Variants in VPS4A observed in about 807,000 individuals in gnomAD.
The protein encoded by VPS4A is vacuolar protein sorting-associated protein 4A.
VPS4A carries 20 observed loss-of-function variants against 52.3 expected under a neutral mutation model. The ratio of observed to expected loss-of-function variants is 0.38; its 90% confidence interval spans 0.27 to 0.56. The LOEUF (loss-of-function observed/expected upper bound fraction) is 0.56. Among genes scored for constraint, VPS4A ranks in the 20% least tolerant of loss-of-function variants. The probability of loss-of-function intolerance (pLI) is 0.72; values close to 1 mark genes in which losing one functional copy is unlikely to be tolerated. For missense variants in VPS4A, 419 were observed against 575.9 expected (o/e 0.73, Z 2.79); for synonymous variants, 293 against 227.7 (o/e 1.29, Z -2.58).
At chr16:69,314,781 C>T (rs977618607) in intron 1 of VPS4A, among the ~76,000 whole-genome samples, 1 of 151,980 alleles carries the variant, frequency 6.6e-6, no homozygotes, top group Non-Finnish European at 1.5e-5. Flanking sequence ...TGCCAAGAGC[C>T]GGTCAGGAGG....
intron 1 of VPS4A, among the ~76,000 whole-genome samples, chr16:69,312,833 G>A (rs779831787): frequency 1.3e-5 from 2 of 151,842 alleles, no homozygotes; most frequent in Admixed American, 6.6e-5. Flanking sequence ...GGCTGGTCTC[G>A]AACTCCCGAC....
intron 1 of VPS4A, among the ~76,000 whole-genome samples, chr16:69,312,861 C>T (rs1008789309): frequency 6.6e-6 from 1 of 152,130 alleles, no homozygotes; most frequent in Non-Finnish European, 1.5e-5. Flanking sequence ...GATCTGCCCA[C>T]TTCGGCCTCC....
chr16:69,322,834 C>G, intron 10 of VPS4A, 134 bp downstream of exon 10: 1 of 1,130,606 alleles, frequency 8.8e-7, no homozygotes, highest in Non-Finnish European at 1.2e-6. Flanking sequence ...CTTTGGGAGG[C>G]CAGGGTGGGC....
intron 10 of VPS4A, chr16:69,323,654 C>A (rs1567425409): frequency 2.2e-6 from 1 of 455,866 alleles, no homozygotes; most frequent in Non-Finnish European, 4.4e-6. Flanking sequence ...GGGTGTGCAG[C>A]TAAGAAGGCT....
intron 6 of VPS4A, among the ~76,000 whole-genome samples, chr16:69,319,856 G>A (rs932680699): frequency 2.0e-5 from 3 of 152,196 alleles, no homozygotes; most frequent in Non-Finnish European, 2.9e-5. Context: ...CCTGTTTTGC[G>A]TGTGATGAGA....
chr16:69,312,856 GCC>G (rs1378936602), intron 1 of VPS4A, among the ~76,000 whole-genome samples: 1 of 151,858 alleles, frequency 6.6e-6, no homozygotes, highest in Non-Finnish European at 1.5e-5. Flanking sequence ...CAGATGATCT[GCC>G]CACTTCGGCC....
At chr16:69,323,540 A>G (rs1421649513) in intron 10 of VPS4A, 1 of 424,846 alleles carries the variant, frequency 2.4e-6, no homozygotes, top group Non-Finnish European at 4.8e-6. Flanking sequence ...GCAGTGAGGC[A>G]GTGAATGTGT....
At chr16:69,322,455 A>T in intron 9 of VPS4A, 105 bp from the exon 10 acceptor site, 1 of 1,279,780 alleles carries the variant, frequency 7.8e-7, no homozygotes, top group Non-Finnish European at 1.0e-6. Context: ...CTCAGATGCT[A>T]GGGACCCACA....
chr16:69,312,960 A>G lies in VPS4A; in HGVS notation c.21+1428A>G, dbSNP rs113669798. On this transcript the variant is annotated intron_variant, in intron 1 of 10. Transcript: ENST00000254950. ...AACTTGCGTGCTTACCATATAACTC[A>G]CCCGTTATATATTTTTGTTTTTATT... Among the ~76,000 whole-genome samples, 54 of 149,524 alleles carry G rather than the reference A, an allele frequency of 3.6e-4. 1 individual carries two copies. The highest frequency in any genetic ancestry group is 1.1e-3 in the African/African-American group (44 of 40,578).
At chr16:69,322,362 T>C (rs916354912) in intron 9 of VPS4A, 198 bp from the exon 10 acceptor site, 78 of 502,784 alleles carry the variant, frequency 1.6e-4, no homozygotes, top group African/African-American at 1.3e-3. Context: ...CATCAAGGCA[T>C]TGGGGCTACA....
At chr16:69,319,618 T>C in intron 6 of VPS4A, 75 bp downstream of exon 6, 2 of 1,536,996 alleles carry the variant, frequency 1.3e-6, no homozygotes, top group Non-Finnish European at 1.8e-6. Context: ...CCCTGTGGAG[T>C]CACCTCTCAG....
At position 69,318,920 on chromosome 16, in the gene VPS4A, C is replaced by T. The variant is rs1215404979; in HGVS notation, c.441C>T (p.Ile147=). ...EALKEAVILP[I]KFPHLFTGKR... ...TCAAAGAAGCTGTCATTTTGCCAAT[C>T]AAATTCCCACACTTGTTCACAGGTG... Residue 147 remains isoleucine, a synonymous_variant, in exon 5 of 11, where the codon ATC becomes ATT. Transcript: ENST00000254950. 6.2e-7 allele frequency: 1 copy of T among 1,613,556 alleles called. No homozygotes were observed. The highest frequency in any genetic ancestry group is 8.5e-7 in the Non-Finnish European group (1 of 1,179,790).
chr16:69,320,282 G>C lies in VPS4A; in HGVS notation c.762G>C (p.Gln254His), dbSNP rs1191807696. The C allele has an allele frequency of 6.2e-7, 1 of 1,613,444 alleles. No individual in the cohort carries two copies. Among genetic ancestry groups the C allele is most frequent in the African/African-American group, 1.3e-5 (1 of 74,940 alleles). The change falls in exon 7 of 11, where the codon CAG becomes CAC. Residue 254 changes from glutamine to histidine, a missense_variant. Gln to His is a conservative substitution (Grantham distance 24, BLOSUM62 0). This residue lies in a region of VPS4A where 103 missense variants were observed against 210.3 expected (regional missense o/e 0.49). Coordinates refer to ENST00000254950, the MANE Select transcript of VPS4A (RefSeq NM_013245.3). The surrounding 1 kb of genome is among the most constrained non-coding windows in gnomAD (Gnocchi z 4.2). ...ARRIKTEFLV[Q>H]MQGVGNNNDG... ...GGATCAAAACGGAGTTCTTGGTCCA[G>C]ATGCAGGGTGTGTGCCGGGCCCAGG...
chr16:69,318,785 TGGCCG>T (rs1413016667), intron 4 of VPS4A, 33 bp from the exon 5 acceptor site: 4 of 1,611,026 alleles, frequency 2.5e-6, no homozygotes, highest in East Asian at 2.2e-5. Flanking sequence ...TCATGCCCCT[TGGCCG>T]GGCCCGGGCC....
chr16:69,316,186 A>C, intron 2 of VPS4A, 39 bp from the exon 3 acceptor site: 1 of 1,612,572 alleles, frequency 6.2e-7, no homozygotes, highest in Non-Finnish European at 8.5e-7. Flanking sequence ...GGGGTGGCGC[A>C]CGAGCCTCAC....
chr16:69,313,025 C>T (rs1597210354), intron 1 of VPS4A, among the ~76,000 whole-genome samples: 1 of 151,978 alleles, frequency 6.6e-6, no homozygotes, highest in Admixed American at 6.6e-5. Flanking sequence ...GTCACCCAGG[C>T]TGGAGTGCAG....
chr16:69,320,879 T>C lies in VPS4A; in HGVS notation c.851+110T>C. On this transcript the variant is annotated intron_variant, in intron 8 of 10. Transcript: ENST00000254950. The surrounding 1 kb of genome is among the most constrained non-coding windows in gnomAD (Gnocchi z 4.2). ...GCCTGGCCCCTTTTCCCTGGAGTCTTCCCGTCTGCCTGCCAAGCAGAGCCC... is the reference window on the plus strand; with the variant it reads ...GCCTGGCCCCTTTTCCCTGGAGTCTCCCCGTCTGCCTGCCAAGCAGAGCCC... The C allele has an allele frequency of 7.8e-7, 1 of 1,284,208 alleles. No homozygotes were observed. Among genetic ancestry groups the C allele is most frequent in the Non-Finnish European group, 1.1e-6 (1 of 918,226 alleles). The allele number at this position is 1,284,208 out of a possible 1,614,324, so 79.6% of individuals were successfully genotyped here.
Position 69,326,285 on chromosome 16 carries a change from C to G in VPS4A, c.*1976C>G, listed in dbSNP as rs554242319. On this transcript the variant is annotated 3_prime_UTR_variant, in exon 11 of 11. Transcript: ENST00000254950. ...GTGAGCTAACTTTGGATCAGTAGCT[C>G]CAACACTTGGCTCCAGTGCTGGCAG... 6.6e-6 allele frequency: 1 copy of G among 152,304 alleles called. No individual in the cohort carries two copies. Among genetic ancestry groups the G allele is most frequent in the African/African-American group, 2.4e-5 (1 of 41,566 alleles). 9.4% of individuals were successfully genotyped at this position (152,304 alleles called of 1,614,324 possible).
At position 69,320,668 on chromosome 16, in the gene VPS4A, T is replaced by C. The variant is rs1485363386; in HGVS notation, c.770-20T>C. The C allele has an allele frequency of 6.3e-7, 1 of 1,585,302 alleles. No individual in the cohort carries two copies. Among genetic ancestry groups the C allele is most frequent in the Non-Finnish European group, 8.6e-7 (1 of 1,165,364 alleles). Reference sequence around the variant, plus strand: ...GTGCAGGTGTCCAGAGTCTGAGTCTTTGTCTCCCTTTCTCCACAGGGGTGG... The same window carrying C: ...GTGCAGGTGTCCAGAGTCTGAGTCTCTGTCTCCCTTTCTCCACAGGGGTGG... On this transcript the variant is annotated intron_variant, in intron 7 of 10. Coordinates refer to ENST00000254950, the MANE Select transcript of VPS4A (RefSeq NM_013245.3). This position sits in a 1 kb window ranked among gnomAD's most constrained non-coding sequence, Gnocchi z 4.2.
Sources: allele counts gnomAD v4.1 joint callset (sites outside exome capture counted in the v4.1 genomes callset), GRCh38; gene constraint gnomAD v4.1.1; regional missense constraint gnomAD v4.1.1; non-coding constraint Gnocchi (gnomAD v3.1); transcripts MANE v1.5; gene names NCBI Gene and HGNC (gene_info 2026-07-23, HGNC 2026-07-21).